The following SPMIP7 variants were observed in gnomAD, a reference collection of about 807,000 sequenced individuals.
SPMIP7 encodes the protein sperm microtubule inner protein 7.
At chr7:50,109,405 C>G in the SPMIP7 span, among the ~76,000 whole-genome samples, 2 of 151,918 alleles carry the variant, frequency 1.3e-5, no homozygotes, top group East Asian at 3.9e-4. Context: ...AAGACAGAGT[C>G]TTGCTCTGTC....
chr7:50,119,074 A>G, the SPMIP7 span, among the ~76,000 whole-genome samples: 1 of 152,184 alleles, frequency 6.6e-6, no homozygotes, highest in African/African-American at 2.4e-5. Context: ...TTCAAAACCC[A>G]GAACCTGGAG....
the SPMIP7 span, among the ~76,000 whole-genome samples, chr7:50,145,338 A>G: frequency 2.6e-5 from 4 of 151,190 alleles, no homozygotes; most frequent in South Asian, 8.4e-4. Context: ...TATTCTTTGC[A>G]AGGGCTCGGT....
At chr7:50,122,881 T>C in the SPMIP7 span, among the ~76,000 whole-genome samples, 1 of 152,222 alleles carries the variant, frequency 6.6e-6, no homozygotes, top group East Asian at 1.9e-4. Context: ...CATTTCACAC[T>C]AGTTAGAATG....
At chr7:50,119,639 C>T in the SPMIP7 span, among the ~76,000 whole-genome samples, 1 of 152,186 alleles carries the variant, frequency 6.6e-6, no homozygotes. Context: ...AATTGATATT[C>T]TAGACATGAC....
the SPMIP7 span, among the ~76,000 whole-genome samples, chr7:50,152,564 C>G: frequency 6.6e-6 from 1 of 152,108 alleles, no homozygotes; most frequent in South Asian, 2.1e-4. Flanking sequence ...TATGCTAGCA[C>G]AGTAGGAAGG....
chr7:50,145,578 A>C, the SPMIP7 span, among the ~76,000 whole-genome samples: 1 of 128,882 alleles, frequency 7.8e-6, no homozygotes, highest in Non-Finnish European at 1.6e-5. Context: ...ATGTATATAT[A>C]TATATGTGCG....
the SPMIP7 span, among the ~76,000 whole-genome samples, chr7:50,123,379 G>A: frequency 7.6e-6 from 1 of 132,140 alleles, no homozygotes; most frequent in Non-Finnish European, 1.6e-5. Flanking sequence ...AGAACACATG[G>A]ACACAGGAAG....
the SPMIP7 span, among the ~76,000 whole-genome samples, chr7:50,144,435 A>G: frequency 6.6e-6 from 1 of 152,178 alleles, no homozygotes; most frequent in Admixed American, 6.5e-5. Flanking sequence ...TGCACTAGAT[A>G]TTTTTGCATA....
the SPMIP7 span, among the ~76,000 whole-genome samples, chr7:50,122,757 G>T: frequency 1.3e-5 from 2 of 151,870 alleles, no homozygotes; most frequent in African/African-American, 4.8e-5. Flanking sequence ...GTGGGCAAAG[G>T]ACATGAACAG....
chr7:50,126,448 T>C, the SPMIP7 span, among the ~76,000 whole-genome samples: 1 of 151,908 alleles, frequency 6.6e-6, no homozygotes, highest in African/African-American at 2.4e-5. Context: ...TGATAAATGT[T>C]ATCAAACATT....
At chr7:50,137,583 T>C in the SPMIP7 span, among the ~76,000 whole-genome samples, 1 of 152,152 alleles carries the variant, frequency 6.6e-6, no homozygotes, top group Admixed American at 6.5e-5. Context: ...TTTTTAAATA[T>C]TGCTATGTTC....
At chr7:50,137,226 CAT>C in the SPMIP7 span, among the ~76,000 whole-genome samples, 1 of 151,934 alleles carries the variant, frequency 6.6e-6, no homozygotes, top group Non-Finnish European at 1.5e-5. Flanking sequence ...TAGTTTCTAA[CAT>C]TAATAGAACA....
At chr7:50,100,293 G>A in the SPMIP7 span, among the ~76,000 whole-genome samples, 1 of 152,332 alleles carries the variant, frequency 6.6e-6, no homozygotes, top group South Asian at 2.1e-4. Context: ...CAGGGGCAGG[G>A]AATCTGCAAG....
At chr7:50,159,027 T>C in the SPMIP7 span, 1 of 1,550,630 alleles carries the variant, frequency 6.4e-7, no homozygotes, top group Non-Finnish European at 8.7e-7. Flanking sequence ...TTCCTCCTTT[T>C]TTTCCCATCC....
the SPMIP7 span, among the ~76,000 whole-genome samples, chr7:50,107,818 C>G: frequency 6.6e-6 from 1 of 152,144 alleles, no homozygotes; most frequent in African/African-American, 2.4e-5. Context: ...GTGACAGCAA[C>G]AGAAGCATTC....
At chr7:50,102,256 G>A in the SPMIP7 span, among the ~76,000 whole-genome samples, 41 of 152,122 alleles carry the variant, frequency 2.7e-4, no homozygotes, top group African/African-American at 2.4e-5. Context: ...CCCAGGAGGC[G>A]GAGGTTGCAG....
chr7:50,139,860 A>G, the SPMIP7 span, among the ~76,000 whole-genome samples: 1 of 152,266 alleles, frequency 6.6e-6, no homozygotes, highest in Non-Finnish European at 1.5e-5. Flanking sequence ...CTCAGCAATG[A>G]AAAAGAACAA....
chr7:50,097,181 T>A, the SPMIP7 span, among the ~76,000 whole-genome samples: 1 of 152,198 alleles, frequency 6.6e-6, no homozygotes, highest in Non-Finnish European at 1.5e-5. Context: ...ATGTGGTTTC[T>A]CTGTAAGAAC....
chr7:50,118,103 A>G, the SPMIP7 span, among the ~76,000 whole-genome samples: 1 of 152,170 alleles, frequency 6.6e-6, no homozygotes, highest in African/African-American at 2.4e-5. Context: ...GATCCAAGTC[A>G]ACTCCCCTAT....
Sources: allele counts gnomAD v4.1 joint callset (sites outside exome capture counted in the v4.1 genomes callset), GRCh38; gene constraint gnomAD v4.1.1; transcripts MANE v1.5; gene names NCBI Gene and HGNC (gene_info 2026-07-23, HGNC 2026-07-21).